Variants in STT3B observed in about 807,000 individuals in gnomAD.
STT3B encodes dolichyl-diphosphooligosaccharide--protein glycosyltransferase subunit STT3B.
A neutral mutation model predicts 96.8 loss-of-function variants in STT3B; 29 were observed. The observed-to-expected ratio is 0.30, with a 90% CI of 0.22 to 0.41. The LOEUF (loss-of-function observed/expected upper bound fraction) is 0.41, where lower values mean the gene tolerates loss of function less well. Among genes scored for constraint, STT3B ranks in the 10% least tolerant of loss-of-function variants. The pLI is 1.00. For missense variants in STT3B, 640 were observed against 1,022.3 expected, an observed-to-expected ratio of 0.63 and a Z score of 5.10; for synonymous variants, 367 against 360.0, an observed-to-expected ratio of 1.02 and a Z score of -0.22.
At position 31,533,333 on chromosome 3, in the gene STT3B, C is replaced by T. The variant is rs761653646; in HGVS notation, c.314+21C>T. The T allele has an allele frequency of 5.3e-6, 8 of 1,500,112 alleles. No homozygotes were observed. In the Middle Eastern group the frequency reaches 5.5e-4, roughly 104 times the overall value. 92.9% of individuals were successfully genotyped at this position (1,500,112 alleles called of 1,614,324 possible). The stretch of plus-strand genomic sequence containing the variant: ...CCGTGGTAAGTGCCTCGCCGCCCCT[C>T]CCCCGCCCGTGGCCCGCGGGGAACC... On this transcript the variant is annotated intron_variant, in intron 1 of 15. Transcript: ENST00000295770.
At chr3:31,595,933 C>T (rs1379115719) in intron 3 of STT3B, among the ~76,000 whole-genome samples, 2 of 152,132 alleles carry the variant, frequency 1.3e-5, no homozygotes, top group South Asian at 2.1e-4. Context: ...GGCATTCAGG[C>T]TCTATAAGGA....
intron 5 of STT3B, among the ~76,000 whole-genome samples, chr3:31,602,434 G>A (rs1311734335): frequency 6.6e-6 from 1 of 151,994 alleles, no homozygotes; most frequent in Non-Finnish European, 1.5e-5. Flanking sequence ...AGGAATACAA[G>A]AGAGAGAAGA....
chr3:31,580,220 T>TG, intron 3 of STT3B, 124 bp downstream of exon 3: 3 of 868,098 alleles, frequency 3.5e-6, no homozygotes, highest in South Asian at 1.9e-5. Context: ...TGTATTACTG[T>TG]TCATAATCAA....
intron 1 of STT3B, among the ~76,000 whole-genome samples, chr3:31,570,399 G>A (rs534318130): frequency 1.1e-4 from 16 of 152,240 alleles, no homozygotes; most frequent in African/African-American, 3.1e-4. Flanking sequence ...AGGTAGACTG[G>A]GAGGAGGAGG....
At chr3:31,572,056 A>AAG (rs1559370358) in intron 1 of STT3B, among the ~76,000 whole-genome samples, 2 of 138,658 alleles carry the variant, frequency 1.4e-5, no homozygotes, top group African/African-American at 2.8e-5. Flanking sequence ...AATATATCAT[A>AAG]TATTAATATA....
At chr3:31,556,789 G>A (rs1312036593) in intron 1 of STT3B, among the ~76,000 whole-genome samples, 1 of 152,138 alleles carries the variant, frequency 6.6e-6, no homozygotes, top group Non-Finnish European at 1.5e-5. Flanking sequence ...CTGCATATTA[G>A]TCCCTTGTTG....
At chr3:31,579,522 A>T (rs13081595) in intron 2 of STT3B, among the ~76,000 whole-genome samples, 1 of 136,620 alleles carries the variant, frequency 7.3e-6, no homozygotes, top group Non-Finnish European at 1.6e-5. Context: ...GGATCAGTAA[A>T]AAAGTTACCT....
intron 3 of STT3B, 44 bp from the exon 4 acceptor site, chr3:31,596,754 C>A (rs755957563): frequency 2.7e-5 from 39 of 1,460,120 alleles, no homozygotes; most frequent in Non-Finnish European, 3.7e-5. Flanking sequence ...TCCGCAAGAA[C>A]ATTTGTAAAC....
intron 1 of STT3B, among the ~76,000 whole-genome samples, chr3:31,546,714 G>C (rs527595808): frequency 6.6e-6 from 1 of 152,208 alleles, no homozygotes; most frequent in South Asian, 2.1e-4. Context: ...GTTTTAGACT[G>C]GGTTGTTTAG....
chr3:31,550,066 T>A (rs1232570114), intron 1 of STT3B, among the ~76,000 whole-genome samples: 1 of 152,140 alleles, frequency 6.6e-6, no homozygotes, highest in Non-Finnish European at 1.5e-5. Context: ...TTTTTCTTTT[T>A]TCCAATTAGT....
intron 1 of STT3B, among the ~76,000 whole-genome samples, chr3:31,560,749 T>C (rs910158859): frequency 2.6e-5 from 4 of 152,118 alleles, no homozygotes; most frequent in African/African-American, 9.7e-5. Context: ...TTGCATTGTA[T>C]CTGTTTGCAG....
chr3:31,592,087 A>G (rs953561053), intron 3 of STT3B, among the ~76,000 whole-genome samples: 1 of 152,080 alleles, frequency 6.6e-6, no homozygotes, highest in African/African-American at 2.4e-5. Context: ...ATTTTGCAAA[A>G]CTGAAACTAT....
At chr3:31,616,856 T>C in intron 6 of STT3B, 73 bp from the exon 7 acceptor site, 7 of 1,335,550 alleles carry the variant, frequency 5.2e-6, no homozygotes, top group Non-Finnish European at 6.2e-6. Flanking sequence ...TCTAAGAAGC[T>C]CTTTCAAATG....
rs1475836521 is a variant in STT3B, at chr3:31,624,979, A to G, written c.1793A>G (p.His598Arg). 8 of 1,613,858 alleles carry G rather than the reference A, an allele frequency of 5.0e-6. No individual in the cohort carries two copies. The highest frequency in any genetic ancestry group is 1.7e-4 in the Middle Eastern group (1 of 6,058). Residue 598 changes from histidine to arginine, a missense_variant, in exon 12 of 16, where the codon CAT (histidine) becomes CGT (arginine). His to Arg is a conservative substitution (Grantham distance 29). Around this residue, in one of 8 missense-constraint regions of STT3B, gnomAD observed 149 missense variants for 250.2 expected, o/e 0.60. Transcript: ENST00000295770. ...YFWLRQNTDE[H>R]ARVMSWWDYG... Reference sequence around the variant, plus strand: ...TGGCTAAGGCAAAATACAGATGAACATGCACGAGTAATGTCTTGGTGGGAT... The same window carrying G: ...TGGCTAAGGCAAAATACAGATGAACGTGCACGAGTAATGTCTTGGTGGGAT...
intron 3 of STT3B, among the ~76,000 whole-genome samples, chr3:31,594,246 G>A (rs959049594): frequency 3.3e-5 from 5 of 151,938 alleles, no homozygotes; most frequent in African/African-American, 9.7e-5. Flanking sequence ...ATTCTGCTGC[G>A]GACACCAGCT....
At chr3:31,626,665 C>CAGCATAA (rs1405898120) in intron 13 of STT3B, among the ~76,000 whole-genome samples, 23 of 152,282 alleles carry the variant, frequency 1.5e-4, no homozygotes, top group Non-Finnish European at 2.5e-4. Flanking sequence ...GCTTTGAGCA[C>CAGCATAA]TAGGTCTAGT....
chr3:31,569,763 A>C (rs1698095470), intron 1 of STT3B, among the ~76,000 whole-genome samples: 1 of 152,002 alleles, frequency 6.6e-6, no homozygotes, highest in Non-Finnish European at 1.5e-5. Flanking sequence ...ATTATTTCTA[A>C]GCCAGTTCAC....
chr3:31,615,322 G>A, intron 6 of STT3B, 119 bp downstream of exon 6: 1 of 682,156 alleles, frequency 1.5e-6, no homozygotes, highest in South Asian at 2.0e-5. Context: ...AAAGTAATCT[G>A]ACTCACAATT....
At chr3:31,622,333 T>G in intron 10 of STT3B, 25 bp downstream of exon 10, 2 of 1,568,280 alleles carry the variant, frequency 1.3e-6, no homozygotes, top group Non-Finnish European at 1.8e-6. Context: ...GTAAGGCCTT[T>G]AAATTGTCTA....
Sources: gnomAD v4.1 joint callset for allele counts (sites outside exome capture counted in the v4.1 genomes callset) on GRCh38, gnomAD v4.1.1 for gene constraint, gnomAD v4.1.1 regional missense constraint, MANE v1.5 for transcripts, NCBI Gene and HGNC (gene_info 2026-07-23, HGNC 2026-07-21) for gene names.